FEM1B: variants seen among roughly 807,000 people sequenced by gnomAD.
FEM1B encodes the protein protein fem-1 homolog B.
Under a neutral mutation model 38.6 loss-of-function variants are expected in FEM1B, and 10 were observed. That is an observed-to-expected ratio of 0.26 (90% CI 0.16 to 0.44). The LOEUF (loss-of-function observed/expected upper bound fraction) is 0.44, where lower values mean the gene tolerates loss of function less well. FEM1B is among the 20% of genes least tolerant of loss of function. FEM1B has a pLI of 1.00. For missense variants in FEM1B, 471 were observed against 786.7 expected, an observed-to-expected ratio of 0.60 and a Z score of 4.80; for synonymous variants, 288 against 288.0, an observed-to-expected ratio of 1.00 and a Z score of 0.00.
chr15:68,292,410 T>C lies in FEM1B; in HGVS notation c.*1168T>C, dbSNP rs1892856992. The C allele has an allele frequency of 6.6e-6, 1 of 152,124 alleles. No homozygotes were observed. Among genetic ancestry groups the C allele is most frequent in the Non-Finnish European group, 1.5e-5 (1 of 67,996 alleles). The allele number at this position is 152,124 out of a possible 1,614,324, so 9.4% of individuals were successfully genotyped here. ...ACAGGCTATACAGAGGTCTTTATGG[T>C]TTTTTTGTTTTGTTTTAATGGCAAC... On this transcript the variant is annotated 3_prime_UTR_variant, in exon 2 of 2. Coordinates refer to ENST00000306917, the MANE Select transcript of FEM1B (RefSeq NM_015322.5).
intron 1 of FEM1B, among the ~76,000 whole-genome samples, chr15:68,283,384 C>T (rs1187045592): frequency 1.3e-5 from 2 of 151,602 alleles, no homozygotes; most frequent in Admixed American, 1.3e-4. Context: ...AAAAACCAGG[C>T]CAGTTGCAGT....
rs1298685852 is a variant in FEM1B at position 68,291,350 on chromosome 15, C to G, written c.*108C>G. 1.3e-6 allele frequency: 1 copy of G among 781,168 alleles called. No individual in the cohort carries two copies. The highest frequency in any genetic ancestry group is 2.0e-6 in the Non-Finnish European group (1 of 496,532). The allele number at this position is 781,168 out of a possible 1,614,324, so 48.4% of individuals were successfully genotyped here. ...AAATTCTGCTTTTCTTTCCACTACC[C>G]TTCCTCCCATCCCATCCTTCCTTAG... On this transcript the variant is annotated 3_prime_UTR_variant, in exon 2 of 2. Transcript: ENST00000306917. This position sits in a 1 kb window ranked among gnomAD's most constrained non-coding sequence, Gnocchi z 6.9.
chr15:68,294,712 G>A lies in FEM1B; in HGVS notation c.*3470G>A, dbSNP rs914760532. On this transcript the variant is annotated 3_prime_UTR_variant, in exon 2 of 2. Transcript: ENST00000306917. The surrounding 1 kb of genome is among the most constrained non-coding windows in gnomAD (Gnocchi z 4.4). ...AAATGAATGAAAGTATAAAGGACTT[G>A]TTTTTTATGATAGATTTTCTGTAAG... is the stretch of plus-strand genomic sequence containing the variant. The A allele has an allele frequency of 5.3e-5, 8 of 151,926 alleles. No individual in the cohort carries two copies. Among genetic ancestry groups the A allele is most frequent in the African/African-American group, 1.7e-4 (7 of 41,334 alleles). 9.4% of individuals were successfully genotyped at this position (151,926 alleles called of 1,614,324 possible).
chr15:68,283,170 C>T (rs560751146), intron 1 of FEM1B, among the ~76,000 whole-genome samples: 1 of 152,206 alleles, frequency 6.6e-6, no homozygotes, highest in South Asian at 2.1e-4. Flanking sequence ...TTTACTCTTA[C>T]ATCATAGATT....
Position 68,278,435 on chromosome 15 carries a change from C to G in FEM1B, c.18C>G (p.Gly6=), listed in dbSNP as rs756580056. The change falls in exon 1 of 2, where the codon GGC becomes GGG. Residue 6 remains glycine, a synonymous_variant. Transcript: ENST00000306917. The surrounding 1 kb of genome is among the most constrained non-coding windows in gnomAD (Gnocchi z 5.7). ...CGGCGGCCATGGAGGGCCTGGCTGG[C>G]TATGTATACAAGGCGGCCAGCGAGG... MEGLA[G]YVYKAASEGK... 3.7e-6 allele frequency: 6 copies of G among 1,612,694 alleles called. No homozygotes were observed. The highest frequency in any genetic ancestry group is 1.3e-5 in the African/African-American group (1 of 75,048).
rs141232900 is a variant in FEM1B at position 68,288,523 on chromosome 15, A to G, written c.249-1084A>G. Among the ~76,000 whole-genome samples the G allele has an allele frequency of 6.6e-6, 1 of 152,344 alleles. No homozygotes were observed. Among genetic ancestry groups the G allele is most frequent in the Non-Finnish European group, 1.5e-5 (1 of 68,028 alleles). ...TTAGTGGTAAGAAATTTAGAAATTA[A>G]GGTTGGGGAAAAATTGACAGTAGAA... is the stretch of plus-strand genomic sequence containing the variant. On this transcript the variant is annotated intron_variant, in intron 1 of 1. Coordinates refer to ENST00000306917, the MANE Select transcript of FEM1B (RefSeq NM_015322.5). The surrounding 1 kb of genome is among the most constrained non-coding windows in gnomAD (Gnocchi z 4.6).
In FEM1B at chr15:68,284,734, TC is replaced by T. The variant is rs1388009825; in HGVS notation, c.249-4870del. 6.6e-6 allele frequency among the ~76,000 whole-genome samples: 1 copy of T among 152,228 alleles called. No homozygotes were observed. Among genetic ancestry groups the T allele is most frequent in the Non-Finnish European group, 1.5e-5 (1 of 68,040 alleles). On this transcript the variant is annotated intron_variant, in intron 1 of 1. Coordinates refer to ENST00000306917, the MANE Select transcript of FEM1B (RefSeq NM_015322.5). The surrounding 1 kb of genome is among the most constrained non-coding windows in gnomAD (Gnocchi z 4.4). ...TGACTTCTGATAGGGTTTGGCTATG[TC>T]CCACCCAAATCTTATCTTGAATTCC...
rs1892873246 is a variant in FEM1B, at chr15:68,293,806, T to A, written c.*2564T>A. The A allele has an allele frequency of 6.6e-6, 1 of 152,048 alleles. No homozygotes were observed. Among genetic ancestry groups the A allele is most frequent in the African/African-American group, 2.4e-5 (1 of 41,332 alleles). 9.4% of individuals were successfully genotyped at this position (152,048 alleles called of 1,614,324 possible). On this transcript the variant is annotated 3_prime_UTR_variant, in exon 2 of 2. Transcript: ENST00000306917. The surrounding 1 kb of genome is among the most constrained non-coding windows in gnomAD (Gnocchi z 5.8). ...AGCCAGACCCTTCCCCAACTTAATT[T>A]TTTTTTAAAAAAGGAAAATAGGTAA... is the stretch of plus-strand genomic sequence containing the variant.
chr15:68,291,136 T>A lies in FEM1B; in HGVS notation c.1778T>A (p.Met593Lys). ...TCTGAAATACTGCTTAAAACTCAAATGAAGATGAGTCTCAAGTGCCTGGCT... is the reference window on the plus strand; with the variant it reads ...TCTGAAATACTGCTTAAAACTCAAAAGAAGATGAGTCTCAAGTGCCTGGCT... ...GVSEILLKTQ[M>K]KMSLKCLAAR... Residue 593 changes from methionine (M) to lysine (K), a missense_variant, in exon 2 of 2, where the codon ATG becomes AAG. Met to Lys is a moderately conservative substitution (Grantham distance 95, BLOSUM62 -1). Around this residue, in one of 3 missense-constraint regions of FEM1B, gnomAD observed 380 missense variants for 599.6 expected, o/e 0.63. Coordinates refer to ENST00000306917, the MANE Select transcript of FEM1B (RefSeq NM_015322.5). This position sits in a 1 kb window ranked among gnomAD's most constrained non-coding sequence, Gnocchi z 6.9. 1 of 1,614,112 alleles carries A rather than the reference T, an allele frequency of 6.2e-7. No homozygotes were observed. Among genetic ancestry groups the A allele is most frequent in the Non-Finnish European group, 8.5e-7 (1 of 1,179,992 alleles).
At chr15:68,286,560 G>A (rs1281016034) in intron 1 of FEM1B, among the ~76,000 whole-genome samples, 3 of 152,022 alleles carry the variant, frequency 2.0e-5, no homozygotes, top group Non-Finnish European at 2.9e-5. Context: ...ATCATTTTGA[G>A]GGAGAATCGA....
Position 68,290,120 on chromosome 15 carries a change from A to T in FEM1B, c.762A>T (p.Glu254Asp). The change falls in exon 2 of 2, where the codon GAA becomes GAT. Residue 254 changes from glutamate (E) to aspartate (D), a missense_variant. Physicochemically the swap from Glu to Asp is conservative, Grantham distance 45 (BLOSUM62 2). Coordinates refer to ENST00000306917, the MANE Select transcript of FEM1B (RefSeq NM_015322.5). This position sits in a 1 kb window ranked among gnomAD's most constrained non-coding sequence, Gnocchi z 9.7. Reference protein sequence around the residue: ...CDRRSRIEALELLGASFANDR... With the variant: ...CDRRSRIEALDLLGASFANDR... ...GAAGAAGTCGGATTGAAGCTTTGGAACTCTTGGGTGCCTCCTTTGCAAATG... is the reference window on the plus strand; with the variant it reads ...GAAGAAGTCGGATTGAAGCTTTGGATCTCTTGGGTGCCTCCTTTGCAAATG... 6.2e-7 allele frequency: 1 copy of T among 1,614,098 alleles called. No homozygotes were observed. Among genetic ancestry groups the T allele is most frequent in the Non-Finnish European group, 8.5e-7 (1 of 1,180,040 alleles).
In FEM1B at chr15:68,288,456, G is replaced by C. The variant is rs1044771274; in HGVS notation, c.249-1151G>C. On this transcript the variant is annotated intron_variant, in intron 1 of 1. Coordinates refer to ENST00000306917, the MANE Select transcript of FEM1B (RefSeq NM_015322.5). The surrounding 1 kb of genome is among the most constrained non-coding windows in gnomAD (Gnocchi z 4.6). ...AAATGTACTTATTGCTTCTAGCACA[G>C]TAGACTGTCTCCAGCAAAAATCTAC... Among the ~76,000 whole-genome samples the C allele has an allele frequency of 6.6e-6, 1 of 152,174 alleles. No individual in the cohort carries two copies. The highest frequency in any genetic ancestry group is 2.4e-5 in the African/African-American group (1 of 41,436).
At position 68,295,598 on chromosome 15, in the gene FEM1B, T is replaced by A. The variant is rs1327798302; in HGVS notation, c.*4356T>A. 1 of 152,210 alleles carries A rather than the reference T, an allele frequency of 6.6e-6. No individual in the cohort carries two copies. Among genetic ancestry groups the A allele is most frequent in the Non-Finnish European group, 1.5e-5 (1 of 68,034 alleles). The allele number at this position is 152,210 out of a possible 1,614,324, so 9.4% of individuals were successfully genotyped here. On this transcript the variant is annotated 3_prime_UTR_variant, in exon 2 of 2. Transcript: ENST00000306917. ...TATTCTAGTAATTCACTGTGATTTA[T>A]AACAAACCGGTGATGTCATTCTATT...
Position 68,278,352 on chromosome 15 carries a change from G to T in FEM1B, c.-66G>T. ...CCAGGTTTAAAGCGCTGGCGAACGC[G>T]GCCTCCGGGGGCGCACGGCAGCTGC... is the stretch of plus-strand genomic sequence containing the variant. On this transcript the variant is annotated 5_prime_UTR_variant, in exon 1 of 2. Coordinates refer to ENST00000306917, the MANE Select transcript of FEM1B (RefSeq NM_015322.5). The surrounding 1 kb of genome is among the most constrained non-coding windows in gnomAD (Gnocchi z 5.7). 1 of 1,545,584 alleles carries T rather than the reference G, an allele frequency of 6.5e-7. No individual in the cohort carries two copies. Among genetic ancestry groups the T allele is most frequent in the South Asian group, 1.2e-5 (1 of 83,604 alleles).
At position 68,290,255 on chromosome 15, in the gene FEM1B, C is replaced by G. The variant is rs1425136041; in HGVS notation, c.897C>G (p.Ile299Met). 6.2e-6 allele frequency: 10 copies of G among 1,613,972 alleles called. No homozygotes were observed. The highest frequency in any genetic ancestry group is 5.0e-5 in the Admixed American group (3 of 60,004). Residue 299 changes from isoleucine (I) to methionine (M), a missense_variant, in exon 2 of 2, where the codon ATC becomes ATG. By Grantham distance (10) the Ile-to-Met change is conservative (BLOSUM62 1). Around this residue, in one of 3 missense-constraint regions of FEM1B, gnomAD observed 380 missense variants for 599.6 expected, o/e 0.63. Transcript: ENST00000306917. The surrounding 1 kb of genome is among the most constrained non-coding windows in gnomAD (Gnocchi z 9.7). ...TCGAAAAAGAGGTTCTTCCACCAAT[C>G]CATGCTTATGGGAATAGAACTGAAT... ...NILEKEVLPP[I>M]HAYGNRTECR...
chr15:68,288,367 T>C lies in FEM1B; in HGVS notation c.249-1240T>C, dbSNP rs1892811625. The stretch of plus-strand genomic sequence containing the variant: ...GTGAGAAGCTCACTAGTGTGGTTTT[T>C]GGTGTGTATATTTAATTGCCCTAGT... On this transcript the variant is annotated intron_variant, in intron 1 of 1. Transcript: ENST00000306917. The surrounding 1 kb of genome is among the most constrained non-coding windows in gnomAD (Gnocchi z 4.6). Among the ~76,000 whole-genome samples the C allele has an allele frequency of 6.6e-6, 1 of 152,224 alleles. No homozygotes were observed. Among genetic ancestry groups the C allele is most frequent in the African/African-American group, 2.4e-5 (1 of 41,428 alleles).
rs1892717160 is a variant in FEM1B at position 68,280,756 on chromosome 15, A to T, written c.248+2091A>T. On this transcript the variant is annotated intron_variant, in intron 1 of 1. Transcript: ENST00000306917. This position sits in a 1 kb window ranked among gnomAD's most constrained non-coding sequence, Gnocchi z 4.2. The stretch of plus-strand genomic sequence containing the variant: ...CCCTGTATAAAGTACTAAGAGTAAG[A>T]CTGGTTAAACTGCAATCTCAAATGT... 1.3e-5 allele frequency among the ~76,000 whole-genome samples: 2 copies of T among 152,158 alleles called. No homozygotes were observed. The highest frequency in any genetic ancestry group is 2.9e-5 in the Non-Finnish European group (2 of 68,036).
Position 68,289,482 on chromosome 15 carries a change from T to G in FEM1B, c.249-125T>G. 2 of 669,926 alleles carry G rather than the reference T, an allele frequency of 3.0e-6. No individual in the cohort carries two copies. Among genetic ancestry groups the G allele is most frequent in the Non-Finnish European group, 5.1e-6 (2 of 393,474 alleles). The allele number at this position is 669,926 out of a possible 1,614,324, so 41.5% of individuals were successfully genotyped here. ...CTTAAATTACCTGTTTTTATTTTCA[T>G]GAGAACTGATGTTTTATTAATGTTC... On this transcript the variant is annotated intron_variant, in intron 1 of 1. Transcript: ENST00000306917. The surrounding 1 kb of genome is among the most constrained non-coding windows in gnomAD (Gnocchi z 6.9).
At position 68,291,094 on chromosome 15, in the gene FEM1B, A is replaced by G. The variant is rs958782757; in HGVS notation, c.1736A>G (p.Lys579Arg). The G allele has an allele frequency of 1.2e-6, 2 of 1,614,056 alleles. No homozygotes were observed. Among genetic ancestry groups the G allele is most frequent in the African/African-American group, 1.3e-5 (1 of 74,936 alleles). The change falls in exon 2 of 2, where the codon AAA (lysine) becomes AGA (arginine). Residue 579 changes from lysine (K) to arginine (R), a missense_variant. By Grantham distance (26) the Lys-to-Arg change is conservative (BLOSUM62 2). Around this residue, in one of 3 missense-constraint regions of FEM1B, gnomAD observed 380 missense variants for 599.6 expected, o/e 0.63. Transcript: ENST00000306917. This position sits in a 1 kb window ranked among gnomAD's most constrained non-coding sequence, Gnocchi z 6.9. ...TNKQNKTPLD[K>R]STTGVSEILL... is the part of the protein sequence containing the mutation. ...AAACAGAATAAGACTCCGCTAGACA[A>G]AAGTACAACTGGGGTATCTGAAATA...
Sources: gnomAD v4.1 joint callset for allele counts (sites outside exome capture counted in the v4.1 genomes callset) on GRCh38, gnomAD v4.1.1 for gene constraint, gnomAD v4.1.1 regional missense constraint, Gnocchi (gnomAD v3.1) non-coding constraint, MANE v1.5 for transcripts, NCBI Gene and HGNC (gene_info 2026-07-23, HGNC 2026-07-21) for gene names.